The following BTK variants were observed in gnomAD, a reference collection of about 807,000 sequenced individuals.
The protein encoded by BTK is tyrosine-protein kinase BTK.
A neutral mutation model predicts 57.4 loss-of-function variants in BTK; 5 were observed. That is an observed-to-expected ratio of 0.09 (90% confidence interval 0.05 to 0.18). The LOEUF is 0.18. Ranked by LOEUF, BTK falls within the 10% of genes least tolerant of loss-of-function variation. BTK has a pLI of 1.00. For missense variants in BTK, 194 were observed against 501.2 expected (o/e 0.39, Z 5.85); for synonymous variants, 154 against 174.3 (o/e 0.88, Z 0.92).
intron 5 of BTK, among the ~76,000 whole-genome samples, chrX:101,363,897 A>G (rs1400735578): frequency 3.0e-5 from 2 of 65,735 alleles, no homozygotes; most frequent in African/African-American, 9.5e-5. Flanking sequence ...CATTATTATT[A>G]TTATTATTAT....
chrX:101,356,023 G>T, intron 15 of BTK, 29 bp downstream of exon 15: 1 of 1,193,097 alleles, frequency 8.4e-7, no homozygotes, highest in Non-Finnish European at 1.1e-6. Flanking sequence ...TCAGCCCTTT[G>T]TCCTAGGCCA....
intron 5 of BTK, among the ~76,000 whole-genome samples, chrX:101,366,739 T>TC (rs1250123813): frequency 1.1e-4 from 11 of 103,116 alleles, no homozygotes; most frequent in Non-Finnish European, 1.9e-4. Flanking sequence ...GTGGAACTAC[T>TC]GGGAAAAAAA....
intron 1 of BTK, among the ~76,000 whole-genome samples, chrX:101,384,014 G>A (rs1555982179): frequency 9.0e-6 from 1 of 111,540 alleles, no homozygotes; most frequent in African/African-American, 3.3e-5. Context: ...GAAAATTCTA[G>A]TTCTTCCTTA....
chrX:101,367,103 G>T (rs1336368070), intron 5 of BTK, among the ~76,000 whole-genome samples: 1 of 109,388 alleles, frequency 9.1e-6, no homozygotes, highest in African/African-American at 3.3e-5. Flanking sequence ...AATTAGCCGG[G>T]CATGATGGTG....
In BTK at chrX:101,354,713, C is replaced by G. The variant is rs782511051; in HGVS notation, c.1567-19G>C. On this transcript the variant is annotated intron_variant, in intron 15 of 18. Transcript: ENST00000308731. ...GAGCTGCCTGTAGTGCAAACAGAGA[C>G]CAGTGAGACTCCGTCCCCAGCACAG... 2 of 1,201,356 alleles carry G rather than the reference C, an allele frequency of 1.7e-6. No homozygotes were observed. The highest frequency in any genetic ancestry group is 2.3e-6 in the Non-Finnish European group (2 of 886,310).
chrX:101,354,072 C>T, intron 16 of BTK, 84 bp from the exon 17 acceptor site: 1 of 665,924 alleles, frequency 1.5e-6, no homozygotes, highest in Non-Finnish European at 2.5e-6. Context: ...ACAAGAGTGT[C>T]ACAAACACAC....
intron 1 of BTK, among the ~76,000 whole-genome samples, chrX:101,383,826 A>T (rs782808541): frequency 1.0e-3 from 114 of 111,714 alleles, no homozygotes; most frequent in Non-Finnish European, 1.3e-3. Context: ...GCCCTCAGCC[A>T]CTGCACATGA....
chrX:101,370,255 C>T (rs1926983612), intron 4 of BTK, among the ~76,000 whole-genome samples, 176 bp from the exon 5 acceptor site: 1 of 112,051 alleles, frequency 8.9e-6, no homozygotes, highest in Non-Finnish European at 1.9e-5. Context: ...GATTCCTGAA[C>T]TCTTCATATC....
Position 101,360,747 on chromosome X carries a change from T to A in BTK, c.597A>T (p.Lys199Asn), listed in dbSNP as rs1926642298. The A allele has an allele frequency of 8.3e-7, 1 of 1,208,425 alleles. No individual in the cohort carries two copies. The highest frequency in any genetic ancestry group is 1.8e-5 in the African/African-American group (1 of 56,900). ...CTGCTGGCTCAGGCGGTAGTGGCTT[T>A]TTCAAGATCTATGTAGTTAGGAGAA... ...PPTPEEDQIL[K>N]KPLPPEPAAA... The change falls in exon 8 of 19, where the codon AAA (lysine) becomes AAT (asparagine). Residue 199 changes from lysine to asparagine, a missense_variant. Lys to Asn is a moderately conservative substitution (Grantham distance 94). This residue lies in a region of BTK where 115 missense variants were observed against 258.3 expected (regional missense o/e 0.45). Coordinates refer to ENST00000308731, the MANE Select transcript of BTK (RefSeq NM_000061.3).
At chrX:101,357,406 G>T in intron 13 of BTK, 103 bp downstream of exon 13, 1 of 739,714 alleles carries the variant, frequency 1.4e-6, no homozygotes, top group Non-Finnish European at 2.1e-6. Flanking sequence ...TGAGGCAGCT[G>T]CTGCAGAACA....
chrX:101,354,189 A>G lies in BTK; in HGVS notation c.1632-201T>C, dbSNP rs1419302881. ...TGATTGAGCTTTCCTGATTGACAATATGGTTACAAGAAGGATGAAGTGAAA... is the reference window on the plus strand; with the variant it reads ...TGATTGAGCTTTCCTGATTGACAATGTGGTTACAAGAAGGATGAAGTGAAA... On this transcript the variant is annotated intron_variant, in intron 16 of 18. Transcript: ENST00000308731. 15 of 441,534 alleles carry G rather than the reference A, an allele frequency of 3.4e-5. No individual in the cohort carries two copies. In the African/African-American group the frequency reaches 3.4e-4, roughly 10 times the overall value. 36.4% of individuals were successfully genotyped at this position (441,534 alleles called of 1,213,427 possible). A position where few individuals can be genotyped will look rare whatever the true frequency, so the allele number is the denominator to read the frequency against.
intron 18 of BTK, among the ~76,000 whole-genome samples, chrX:101,351,500 T>C (rs1282260270): frequency 9.0e-6 from 1 of 111,644 alleles, no homozygotes; most frequent in East Asian, 2.8e-4. Flanking sequence ...TTCTGCACTT[T>C]CTCTGTGATC....
chrX:101,367,528 C>T (rs781945060), intron 5 of BTK, among the ~76,000 whole-genome samples: 52 of 108,707 alleles, frequency 4.8e-4, no homozygotes, highest in African/African-American at 1.6e-3. Flanking sequence ...CCCAACTACT[C>T]GGGAGGCTGA....
intron 12 of BTK, 102 bp downstream of exon 12, chrX:101,358,208 A>C (rs1555978110): frequency 8.9e-7 from 1 of 1,120,604 alleles, no homozygotes; most frequent in African/African-American, 1.8e-5. Flanking sequence ...TTCACAGTGA[A>C]TTCACACTGT....
At chrX:101,366,329 G>A in intron 5 of BTK, among the ~76,000 whole-genome samples, 1 of 110,922 alleles carries the variant, frequency 9.0e-6, no homozygotes, top group East Asian at 2.8e-4. Context: ...ATAATAAAGT[G>A]CACAGATTTA....
chrX:101,371,722 A>G, intron 3 of BTK, 21 bp from the exon 4 acceptor site: 2 of 1,167,401 alleles, frequency 1.7e-6, no homozygotes, highest in Non-Finnish European at 2.3e-6. Flanking sequence ...ATAAGAAAAA[A>G]TGGTTATTGG....
In BTK at chrX:101,371,605, C is replaced by T. The variant is rs373578588; in HGVS notation, c.309+28G>A. ...TTCTAATTGTGTTACAGGGGCCTTT[C>T]GAGATTTGGTGAGAGAAAATAACTC... On this transcript the variant is annotated intron_variant, in intron 4 of 18. Transcript: ENST00000308731. The T allele has an allele frequency of 2.4e-5, 29 of 1,186,209 alleles. 1 individual carries two copies. Among genetic ancestry groups the T allele is most frequent in the Middle Eastern group, 4.7e-4 (2 of 4,290 alleles).
At chrX:101,390,394 C>T (rs1555983031), upstream of BTK, 2 of 488,636 alleles carry the variant, frequency 4.1e-6, no homozygotes, top group Non-Finnish European at 7.4e-6. Context: ...CAGAAGGGTG[C>T]TGCTTTAATG....
intron 1 of BTK, among the ~76,000 whole-genome samples, chrX:101,376,857 C>T (rs1461179491): frequency 3.6e-5 from 4 of 110,653 alleles, no homozygotes; most frequent in African/African-American, 1.3e-4. Context: ...TTATTGCTCA[C>T]ACTAGGAAAG....
Sources: allele counts gnomAD v4.1 joint callset (sites outside exome capture counted in the v4.1 genomes callset), GRCh38; gene constraint gnomAD v4.1.1; regional missense constraint gnomAD v4.1.1; transcripts MANE v1.5; gene names NCBI Gene and HGNC (gene_info 2026-07-23, HGNC 2026-07-21).